RNF150: variants seen among roughly 807,000 people sequenced by gnomAD.
RNF150 encodes the protein ring finger protein 150.
A neutral mutation model predicts 39.3 loss-of-function variants in RNF150; 24 were observed. That is an observed-to-expected ratio of 0.61 (90% confidence interval 0.44 to 0.86). RNF150 has a LOEUF of 0.86. Ranked by LOEUF, RNF150 falls within the 40% of genes least tolerant of loss-of-function variation. The pLI, the probability that RNF150 is intolerant of heterozygous loss-of-function variation, is 0.00. For missense variants in RNF150, 502 were observed against 587.8 expected, an observed-to-expected ratio of 0.85 and a Z score of 1.51; for synonymous variants, 255 against 227.3, an observed-to-expected ratio of 1.12 and a Z score of -1.10.
chr4:141,170,546 AT>A (rs979094108), intron 1 of RNF150, among the ~76,000 whole-genome samples: 14 of 152,088 alleles, frequency 9.2e-5, no homozygotes, highest in African/African-American at 3.1e-4. Context: ...ATCTATTAGA[AT>A]TTTTTTCTGT....
intron 1 of RNF150, among the ~76,000 whole-genome samples, chr4:141,206,419 C>CAAAAAAA (rs58176149): frequency 3.4e-4 from 22 of 64,126 alleles, no homozygotes; most frequent in Non-Finnish European, 5.2e-4. Context: ...GACTCAATCT[C>CAAAAAAA]AAAAAAAAAA....
intron 6 of RNF150, among the ~76,000 whole-genome samples, chr4:140,876,416 T>A (rs1729157158): frequency 6.6e-6 from 1 of 152,224 alleles, no homozygotes; most frequent in South Asian, 2.1e-4. Flanking sequence ...TCCTTTGAAT[T>A]CTTTGCCTTA....
At position 140,863,778 on chromosome 4, in the gene RNF150, C is replaced by T. The variant is rs560666162; in HGVS notation, c.*4483G>A. The T allele has an allele frequency of 2.6e-5, 4 of 152,266 alleles. No individual in the cohort carries two copies. Among genetic ancestry groups the T allele is most frequent in the African/African-American group, 4.8e-5 (2 of 41,558 alleles). 9.4% of individuals were successfully genotyped at this position (152,266 alleles called of 1,614,324 possible). ...TTAGTACCAGAAAAGACTGGGCTCT[C>T]GCTCCACAGAGGGAGTGACTCCATA... On this transcript the variant is annotated 3_prime_UTR_variant, in exon 7 of 7. Coordinates refer to ENST00000515673, the MANE Select transcript of RNF150 (RefSeq NM_020724.2).
At chr4:141,031,468 A>G (rs1382368459) in intron 1 of RNF150, among the ~76,000 whole-genome samples, 1 of 152,120 alleles carries the variant, frequency 6.6e-6, no homozygotes, top group Non-Finnish European at 1.5e-5. Context: ...GAGACAACCC[A>G]TGGAATGAAA....
chr4:141,078,625 C>CAAAA (rs1393671928), intron 1 of RNF150, among the ~76,000 whole-genome samples: 2 of 148,238 alleles, frequency 1.3e-5, no homozygotes, highest in African/African-American at 2.5e-5. Flanking sequence ...ACTAAAAATA[C>CAAAA]AAACAAAAAA....
intron 5 of RNF150, among the ~76,000 whole-genome samples, chr4:140,913,521 G>A (rs1730699204): frequency 6.6e-6 from 1 of 152,140 alleles, no homozygotes; most frequent in African/African-American, 2.4e-5. Flanking sequence ...AAGGTCTCAA[G>A]TTGGCCCCTG....
chr4:141,006,265 T>C lies in RNF150; in HGVS notation c.485-38392A>G, dbSNP rs1372822707. On this transcript the variant is annotated intron_variant, in intron 1 of 6. Coordinates refer to ENST00000515673, the MANE Select transcript of RNF150 (RefSeq NM_020724.2). The stretch of plus-strand genomic sequence containing the variant: ...ATATATATACATACATATATACGTA[T>C]ATATATACATACATATATACGTATA... 2.0e-5 allele frequency among the ~76,000 whole-genome samples: 3 copies of C among 149,590 alleles called. No homozygotes were observed. In the East Asian group the frequency reaches 5.9e-4, roughly 29 times the overall value.
intron 1 of RNF150, among the ~76,000 whole-genome samples, chr4:141,055,462 G>T (rs1736932070): frequency 6.6e-6 from 1 of 151,994 alleles, no homozygotes; most frequent in Non-Finnish European, 1.5e-5. Context: ...TTGTTTTTTG[G>T]AAGACCTCTA....
At chr4:141,148,749 T>C (rs753116375) in intron 1 of RNF150, among the ~76,000 whole-genome samples, 1 of 152,194 alleles carries the variant, frequency 6.6e-6, no homozygotes, top group Non-Finnish European at 1.5e-5. Context: ...CGCTTTTCAC[T>C]CTTAAATGGT....
At chr4:141,109,167 C>T (rs745331834) in intron 1 of RNF150, among the ~76,000 whole-genome samples, 3 of 152,090 alleles carry the variant, frequency 2.0e-5, no homozygotes, top group Non-Finnish European at 4.4e-5. Context: ...TTACCCCCAG[C>T]CCAATTTTAT....
chr4:141,138,187 A>G (rs1727056653), upstream of RNF150, among the ~76,000 whole-genome samples: 1 of 152,186 alleles, frequency 6.6e-6, no homozygotes, highest in Non-Finnish European at 1.5e-5. Context: ...TAAAAATACA[A>G]TTCCTCCTAC....
intron 6 of RNF150, among the ~76,000 whole-genome samples, chr4:140,885,429 A>G (rs1314060812): frequency 7.2e-6 from 1 of 138,552 alleles, no homozygotes; most frequent in African/African-American, 2.8e-5. Context: ...ATATATGTAC[A>G]TATATCTTTT....
chr4:140,901,244 T>G lies in RNF150; in HGVS notation c.1198+9900A>C, dbSNP rs547037143. Among the ~76,000 whole-genome samples, 4 of 152,344 alleles carry G rather than the reference T, an allele frequency of 2.6e-5. 1 individual carries two copies. In the East Asian group the frequency reaches 7.7e-4, roughly 29 times the overall value. On this transcript the variant is annotated intron_variant, in intron 6 of 6. Transcript: ENST00000515673. ...TTTTCCTTTGCTGCTGTTTCCGCTA[T>G]TTCATCTTTCTCTGATGCTTTTAAT... is the stretch of plus-strand genomic sequence containing the variant.
chr4:141,176,633 C>A (rs1273350805), intron 1 of RNF150, among the ~76,000 whole-genome samples: 1 of 152,156 alleles, frequency 6.6e-6, no homozygotes, highest in Admixed American at 6.5e-5. Flanking sequence ...ACTTCCTTGT[C>A]TTTTAACTTC....
intron 6 of RNF150, among the ~76,000 whole-genome samples, chr4:140,907,738 GGC>G (rs1730442210): frequency 4.6e-5 from 7 of 152,292 alleles, no homozygotes; most frequent in Non-Finnish European, 1.0e-4. Context: ...TGGGCTCTGG[GGC>G]TGGTGGCCCA....
At chr4:140,993,926 G>A (rs1301397816) in intron 1 of RNF150, among the ~76,000 whole-genome samples, 1 of 152,176 alleles carries the variant, frequency 6.6e-6, no homozygotes, top group Admixed American at 6.5e-5. Context: ...AAGGATGGGG[G>A]ACCTGGTACA....
At chr4:141,187,348 C>T (rs1728030994) in intron 1 of RNF150, among the ~76,000 whole-genome samples, 1 of 152,192 alleles carries the variant, frequency 6.6e-6, no homozygotes, top group East Asian at 1.9e-4. Context: ...GTGGAGAGTT[C>T]TGTAGATGCC....
Position 141,132,516 on chromosome 4 carries a change from T to C in RNF150, c.293A>G (p.Asp98Gly). 6.2e-7 allele frequency: 1 copy of C among 1,603,412 alleles called. No homozygotes were observed. Among genetic ancestry groups the C allele is most frequent in the African/African-American group, 1.3e-5 (1 of 74,898 alleles). ...GGTGTTGGGGTCGCAGGCCAGGCGG[T>C]CGTGGGCCGAGCTGGCCATGACCAC... ...GEVVMASSAH[D>G]RLACDPNTKF... The change falls in exon 1 of 7, where the codon GAC (aspartate) becomes GGC (glycine). Residue 98 changes from aspartate (D) to glycine (G), a missense_variant. By Grantham distance (94) the Asp-to-Gly change is moderately conservative. Transcript: ENST00000515673. The surrounding 1 kb of genome is among the most constrained non-coding windows in gnomAD (Gnocchi z 4.9).
chr4:140,967,224 T>A (rs1310722458), intron 2 of RNF150, among the ~76,000 whole-genome samples: 1 of 152,150 alleles, frequency 6.6e-6, no homozygotes, highest in Non-Finnish European at 1.5e-5. Context: ...TTTTGTACCA[T>A]GGGTATACAT....
Sources: gnomAD v4.1 joint callset for allele counts (sites outside exome capture counted in the v4.1 genomes callset) on GRCh38, gnomAD v4.1.1 for gene constraint, Gnocchi (gnomAD v3.1) non-coding constraint, MANE v1.5 for transcripts, NCBI Gene and HGNC (gene_info 2026-07-23, HGNC 2026-07-21) for gene names.